GRIK4: variants seen among roughly 807,000 people sequenced by gnomAD.
GRIK4 encodes glutamate receptor ionotropic, kainate 4.
Under a neutral mutation model 104.9 loss-of-function variants are expected in GRIK4, and 40 were observed. That is an observed-to-expected ratio of 0.38 (90% CI 0.30 to 0.50). The LOEUF (loss-of-function observed/expected upper bound fraction) is 0.50. Ranked by LOEUF, GRIK4 falls within the 20% of genes least tolerant of loss-of-function variation. The pLI is 0.93. For synonymous variants in GRIK4, 485 were observed against 524.9 expected (o/e 0.92, Z 1.04); for missense variants, 1,047 against 1,308.1 (o/e 0.80, Z 3.08).
At position 120,953,004 on chromosome 11, in the gene GRIK4, T is replaced by A. The variant is rs1944042894; in HGVS notation, c.1700+40T>A. ...CCTTCCCTGTCCTTACACCGCCACC[T>A]CGTGTCCACCTCTGGGAACTGCATG... On this transcript the variant is annotated intron_variant, in intron 15 of 20. Transcript: ENST00000527524. The surrounding 1 kb of genome is among the most constrained non-coding windows in gnomAD (Gnocchi z 4.9). 1 of 1,286,142 alleles carries A rather than the reference T, an allele frequency of 7.8e-7. No individual in the cohort carries two copies. The highest frequency in any genetic ancestry group is 1.5e-5 in the African/African-American group (1 of 67,256). The allele number at this position is 1,286,142 out of a possible 1,614,324, so 79.7% of individuals were successfully genotyped here. A position where few individuals can be genotyped will look rare whatever the true frequency, so the allele number is the denominator to read the frequency against.
rs1215587171 is a variant in GRIK4, at chr11:120,950,189, G to T, written c.1591-2666G>T. Among the ~76,000 whole-genome samples, 12 of 152,200 alleles carry T rather than the reference G, an allele frequency of 7.9e-5. No homozygotes were observed. The East Asian group carries it at 1.9e-3, about 24-fold the overall frequency. On this transcript the variant is annotated intron_variant, in intron 14 of 20. Transcript: ENST00000527524. ...GCCCAGACCCAAATCTCAAATGACT[G>T]CCCATTCCTTGCTCTTCTGGTTGGC...
intron 12 of GRIK4, among the ~76,000 whole-genome samples, chr11:120,900,803 C>T (rs1017677266): frequency 2.6e-5 from 4 of 152,280 alleles, no homozygotes; most frequent in East Asian, 1.9e-4. Flanking sequence ...TTCACCCACG[C>T]CCATCTCTGC....
rs117012760 is a variant in GRIK4, at chr11:120,669,240, A to G, written c.82+8840A>G. ...TCTGTGCAGCATTTTTTGAAACCTTATTTGAATTCCATCTACCCTGGGAGG... is the reference window on the plus strand; with the variant it reads ...TCTGTGCAGCATTTTTTGAAACCTTGTTTGAATTCCATCTACCCTGGGAGG... On this transcript the variant is annotated intron_variant, in intron 3 of 20. Transcript: ENST00000527524. Among the ~76,000 whole-genome samples the G allele has an allele frequency of 1.8e-4, 28 of 152,152 alleles. 1 individual carries two copies. In the East Asian group the frequency reaches 5.4e-3, roughly 29 times the overall value.
At chr11:120,650,930 C>T (rs530368405) in intron 1 of GRIK4, among the ~76,000 whole-genome samples, 4 of 152,276 alleles carry the variant, frequency 2.6e-5, no homozygotes, top group South Asian at 2.1e-4. Context: ...TGTCATTTCC[C>T]ACCTTACAGC....
intron 8 of GRIK4, among the ~76,000 whole-genome samples, chr11:120,850,658 C>T (rs998412097): frequency 3.9e-5 from 6 of 152,174 alleles, no homozygotes; most frequent in Non-Finnish European, 8.8e-5. Flanking sequence ...ACCAAGGCCT[C>T]TCTCTTGAAA....
intron 3 of GRIK4, among the ~76,000 whole-genome samples, chr11:120,728,905 C>T (rs1321880888): frequency 2.6e-5 from 4 of 152,162 alleles, no homozygotes; most frequent in Non-Finnish European, 5.9e-5. Context: ...ACTTTCTCCC[C>T]ACTTCCCCAC....
intron 8 of GRIK4, among the ~76,000 whole-genome samples, chr11:120,848,666 CA>C (rs1411995663): frequency 6.6e-6 from 1 of 152,144 alleles, no homozygotes; most frequent in African/African-American, 2.4e-5. Context: ...TCAGTATATC[CA>C]GGGGGGAAAT....
chr11:120,658,567 G>C (rs999840351), intron 2 of GRIK4, among the ~76,000 whole-genome samples: 3 of 151,970 alleles, frequency 2.0e-5, no homozygotes, highest in Non-Finnish European at 4.4e-5. Flanking sequence ...ATTATAGTGA[G>C]TGTACAGTAG....
intron 13 of GRIK4, among the ~76,000 whole-genome samples, chr11:120,923,845 CT>C (rs1186901332): frequency 4.6e-5 from 7 of 152,218 alleles, no homozygotes; most frequent in African/African-American, 1.4e-4. Context: ...CAGAGGCAGA[CT>C]TAAACCCAGG....
At chr11:120,959,090 C>T (rs1478945481) in intron 16 of GRIK4, among the ~76,000 whole-genome samples, 3 of 152,182 alleles carry the variant, frequency 2.0e-5, no homozygotes, top group Non-Finnish European at 4.4e-5. Flanking sequence ...TCACATCCCT[C>T]TAGTCCTTTA....
intron 3 of GRIK4, among the ~76,000 whole-genome samples, chr11:120,699,223 TC>T (rs1338067284): frequency 6.6e-6 from 1 of 151,796 alleles, no homozygotes; most frequent in Non-Finnish European, 1.5e-5. Context: ...TCTTGGTGGC[TC>T]GCGGTCCCAG....
At chr11:120,723,250 A>T (rs931334572) in intron 3 of GRIK4, among the ~76,000 whole-genome samples, 1 of 152,200 alleles carries the variant, frequency 6.6e-6, no homozygotes, top group African/African-American at 2.4e-5. Context: ...TGTTACGTTA[A>T]TATAAGTGTG....
At chr11:120,821,271 T>C (rs184136403) in intron 6 of GRIK4, among the ~76,000 whole-genome samples, 2 of 152,216 alleles carry the variant, frequency 1.3e-5, no homozygotes, top group East Asian at 3.9e-4. Context: ...TAGATAGGCT[T>C]TGGGATGTGG....
intron 11 of GRIK4, among the ~76,000 whole-genome samples, chr11:120,878,116 C>T (rs897841996): frequency 7.2e-5 from 11 of 152,212 alleles, no homozygotes; most frequent in African/African-American, 2.7e-4. Flanking sequence ...CAGCCCCCAA[C>T]CCAGGCCAGC....
At chr11:120,848,328 C>T (rs1277394947) in intron 8 of GRIK4, among the ~76,000 whole-genome samples, 1 of 152,236 alleles carries the variant, frequency 6.6e-6, no homozygotes, top group East Asian at 1.9e-4. Context: ...TAGGTGGCCG[C>T]TCTTTCCTCA....
At chr11:120,911,752 G>A (rs1943002086) in intron 13 of GRIK4, among the ~76,000 whole-genome samples, 1 of 148,682 alleles carries the variant, frequency 6.7e-6, no homozygotes, top group East Asian at 2.0e-4. Context: ...TGAAGCAGGA[G>A]AATCACTTGA....
At chr11:120,605,133 C>G in intron 1 of GRIK4, among the ~76,000 whole-genome samples, 1 of 152,218 alleles carries the variant, frequency 6.6e-6, no homozygotes. Context: ...GTGCGCACAG[C>G]ACAGCCAAGT....
intron 3 of GRIK4, among the ~76,000 whole-genome samples, chr11:120,663,891 G>A (rs917285428): frequency 7.9e-5 from 12 of 152,056 alleles, no homozygotes; most frequent in African/African-American, 2.7e-4. Flanking sequence ...CATCCTGTCC[G>A]TAAGAGGGAG....
chr11:120,840,330 T>C lies in GRIK4; in HGVS notation c.744+3486T>C, dbSNP rs75255091. ...TGGGCCTTTTATTTATATTATCTATTTCAAAATGAGATCTGGGTGGTCGGA... is the reference window on the plus strand; with the variant it reads ...TGGGCCTTTTATTTATATTATCTATCTCAAAATGAGATCTGGGTGGTCGGA... On this transcript the variant is annotated intron_variant, in intron 8 of 20. Transcript: ENST00000527524. 2.5e-3 allele frequency among the ~76,000 whole-genome samples: 384 copies of C among 152,280 alleles called. 1 individual carries two copies. The highest frequency in any genetic ancestry group is 8.8e-3 in the African/African-American group (365 of 41,536).
Sources: gnomAD v4.1 joint callset for allele counts (sites outside exome capture counted in the v4.1 genomes callset) on GRCh38, gnomAD v4.1.1 for gene constraint, Gnocchi (gnomAD v3.1) non-coding constraint, MANE v1.5 for transcripts, NCBI Gene and HGNC (gene_info 2026-07-23, HGNC 2026-07-21) for gene names.